The following P3H2 variants were observed in gnomAD, a reference collection of about 807,000 sequenced individuals.
P3H2 encodes the protein prolyl 3-hydroxylase 2.
P3H2 carries 80 observed loss-of-function variants against 87.0 expected under a neutral mutation model. The observed-to-expected ratio is 0.92, with a 90% confidence interval of 0.77 to 1.11. P3H2 has a LOEUF of 1.11. Ranked by LOEUF, P3H2 falls within the 50% of genes least tolerant of loss-of-function variation. P3H2 has a pLI of 0.00. For synonymous variants in P3H2, 367 were observed against 359.3 expected (o/e 1.02, Z -0.24); for missense variants, 1,001 against 923.9 (o/e 1.08, Z -1.08).
At chr3:190,090,389 T>C (rs1338816386) in intron 1 of P3H2, among the ~76,000 whole-genome samples, 1 of 152,220 alleles carries the variant, frequency 6.6e-6, no homozygotes, top group Non-Finnish European at 1.5e-5. Flanking sequence ...TCACTGAGCA[T>C]ATTTTAGACT....
intron 13 of P3H2, among the ~76,000 whole-genome samples, chr3:189,964,713 A>G (rs1015514894): frequency 3.9e-5 from 6 of 152,214 alleles, no homozygotes; most frequent in African/African-American, 1.4e-4. Context: ...GAACATCTCT[A>G]GTGGTGAGAA....
chr3:189,966,105 AAAAGAAAGAAAGAAAGAAAAAGAAAG>A (rs1722978366), intron 13 of P3H2, among the ~76,000 whole-genome samples: 1 of 91,216 alleles, frequency 1.1e-5, no homozygotes, highest in South Asian at 3.2e-4. Flanking sequence ...AAAGAAAGAA[AAAAGAAAGAAAGAAAGAAAAAGAAAG>A]AAAGAAAGAA....
chr3:190,099,166 T>C (rs1026415320), intron 1 of P3H2, among the ~76,000 whole-genome samples: 3 of 152,180 alleles, frequency 2.0e-5, no homozygotes, highest in Admixed American at 6.5e-5. Flanking sequence ...GCAGCAAAAA[T>C]ACTTACATTA....
intron 1 of P3H2, among the ~76,000 whole-genome samples, chr3:190,071,032 A>G (rs559418289): frequency 1.6e-4 from 24 of 152,238 alleles, no homozygotes; most frequent in Non-Finnish European, 3.1e-4. Flanking sequence ...CGGATTATAA[A>G]ACACTTTCCA....
chr3:190,013,173 G>T (rs1724647615), intron 1 of P3H2, among the ~76,000 whole-genome samples: 3 of 152,212 alleles, frequency 2.0e-5, no homozygotes, highest in African/African-American at 4.8e-5. Context: ...TATAATAAGA[G>T]ATTATAGCAT....
intron 13 of P3H2, 45 bp from the exon 14 acceptor site, chr3:189,964,143 A>C: frequency 6.4e-7 from 1 of 1,570,876 alleles, no homozygotes; most frequent in Non-Finnish European, 8.8e-7. Context: ...TTGTATCATA[A>C]ACATTTCCAC....
chr3:190,106,573 C>T (rs1323505916), intron 1 of P3H2, among the ~76,000 whole-genome samples: 1 of 151,744 alleles, frequency 6.6e-6, no homozygotes, highest in East Asian at 1.9e-4. Context: ...CTCACAAGTA[C>T]CTTGTAAAAT....
intron 1 of P3H2, among the ~76,000 whole-genome samples, chr3:190,019,785 AATATAT>A (rs1210566859): frequency 2.4e-4 from 9 of 37,388 alleles, no homozygotes; most frequent in African/African-American, 6.0e-4. Context: ...GAAATTAAAA[AATATAT>A]ATATATATAT....
chr3:190,086,850 T>C (rs554030209), intron 1 of P3H2, among the ~76,000 whole-genome samples: 1 of 152,278 alleles, frequency 6.6e-6, no homozygotes, highest in South Asian at 2.1e-4. Context: ...GACCAAGTAT[T>C]TTCCCCAAAA....
At chr3:190,105,925 A>G (rs375739839) in intron 1 of P3H2, among the ~76,000 whole-genome samples, 3 of 152,140 alleles carry the variant, frequency 2.0e-5, no homozygotes, top group Non-Finnish European at 4.4e-5. Flanking sequence ...ACTTTTTGTG[A>G]GCTACTCTCC....
At chr3:189,998,445 C>T (rs553093412) in intron 1 of P3H2, among the ~76,000 whole-genome samples, 2 of 152,286 alleles carry the variant, frequency 1.3e-5, no homozygotes, top group South Asian at 4.1e-4. Context: ...TAAGGCCAAG[C>T]TTAAATCCTG....
intron 6 of P3H2, among the ~76,000 whole-genome samples, chr3:189,986,456 G>T (rs1159288492): frequency 6.6e-6 from 1 of 152,136 alleles, no homozygotes; most frequent in African/African-American, 2.4e-5. Context: ...GGGCATTGTG[G>T]CGTGTGCCTG....
At chr3:190,007,965 C>CACACACACACACACACACACACATATAT in intron 1 of P3H2, among the ~76,000 whole-genome samples, 1 of 94,346 alleles carries the variant, frequency 1.1e-5, no homozygotes, top group African/African-American at 3.9e-5. Flanking sequence ...TGTTGACACA[C>CACACACACACACACACACACACATATAT]ATATATATAT....
intron 1 of P3H2, among the ~76,000 whole-genome samples, chr3:190,089,286 T>C (rs1383156636): frequency 6.6e-6 from 1 of 152,126 alleles, no homozygotes; most frequent in South Asian, 2.1e-4. Context: ...AGTTAATGGG[T>C]GCAGCACACC....
chr3:189,981,563 C>T (rs1239272713), intron 8 of P3H2, among the ~76,000 whole-genome samples: 1 of 152,140 alleles, frequency 6.6e-6, no homozygotes, highest in Non-Finnish European at 1.5e-5. Context: ...GCCACTTCGT[C>T]CTAGACAATT....
At chr3:190,068,625 T>C (rs537036026) in intron 1 of P3H2, among the ~76,000 whole-genome samples, 1 of 152,202 alleles carries the variant, frequency 6.6e-6, no homozygotes, top group Non-Finnish European at 1.5e-5. Flanking sequence ...TTGTTTTCTT[T>C]GAAAAACTAC....
At chr3:190,104,017 C>A (rs1577325684) in intron 1 of P3H2, among the ~76,000 whole-genome samples, 1 of 152,096 alleles carries the variant, frequency 6.6e-6, no homozygotes, top group Non-Finnish European at 1.5e-5. Flanking sequence ...GTCTTGAACT[C>A]ATGACCTCAA....
At chr3:190,026,501 C>A (rs1725089749) in intron 1 of P3H2, among the ~76,000 whole-genome samples, 1 of 152,206 alleles carries the variant, frequency 6.6e-6, no homozygotes, top group Non-Finnish European at 1.5e-5. Flanking sequence ...CTGCTACACT[C>A]CCACCAGTGC....
At chr3:190,095,303 CATATATATATATATATATATATATATAT>C (rs57074960) in intron 1 of P3H2, among the ~76,000 whole-genome samples, 799 of 49,470 alleles carry the variant, frequency 0.016, 29 homozygotes, top group African/African-American at 0.062. Context: ...TGTCTCAAAA[CATATATATATATATATATATATATATAT>C]ATATATATAT....
Sources: gnomAD v4.1 joint callset for allele counts (sites outside exome capture counted in the v4.1 genomes callset) on GRCh38, gnomAD v4.1.1 for gene constraint, MANE v1.5 for transcripts, NCBI Gene and HGNC (gene_info 2026-07-23, HGNC 2026-07-21) for gene names.